ATM: variants seen among roughly 807,000 people sequenced by gnomAD.
The protein encoded by ATM is ATM serine/threonine kinase.
A neutral mutation model predicts 387.0 loss-of-function variants in ATM; 308 were observed. The observed-to-expected ratio is 0.80, with a 90% CI of 0.73 to 0.87. The LOEUF (loss-of-function observed/expected upper bound fraction) is 0.87, where lower values mean the gene tolerates loss of function less well. Among genes scored for constraint, ATM ranks in the 40% least tolerant of loss-of-function variants. The pLI, the probability that ATM is intolerant of heterozygous loss-of-function variation, is 0.00. For missense variants in ATM, 3,312 were observed against 3,560.9 expected, an observed-to-expected ratio of 0.93 and a Z score of 1.78; for synonymous variants, 1,156 against 1,187.3, an observed-to-expected ratio of 0.97 and a Z score of 0.54.
At chr11:108,357,302 G>A (rs563283386) in intron 61 of ATM, among the ~76,000 whole-genome samples, 68 of 152,302 alleles carry the variant, frequency 4.5e-4, no homozygotes, top group African/African-American at 1.5e-3. Flanking sequence ...CTACGCCCAC[G>A]GAGTCTCGCT....
Position 108,248,994 on chromosome 11 carries a change from A to C in ATM, c.1127A>C (p.Glu376Ala), listed in dbSNP as rs767564470. The C allele has an allele frequency of 1.9e-6, 3 of 1,613,144 alleles. No homozygotes were observed. Among genetic ancestry groups the C allele is most frequent in the Non-Finnish European group, 2.5e-6 (3 of 1,179,236 alleles). Residue 376 changes from glutamate (E) to alanine (A), a missense_variant, in exon 9 of 63, where the codon GAA becomes GCA. Transcript: ENST00000675843. ...ISQSYTTTQR[E>A]SSDYSVPCKR... Reference sequence around the variant, plus strand: ...CAATCTTACACTACTACACAAAGAGAATCTAGTGATTACAGTGTCCCTTGC... The same window carrying C: ...CAATCTTACACTACTACACAAAGAGCATCTAGTGATTACAGTGTCCCTTGC...
intron 38 of ATM, 88 bp downstream of exon 38, chr11:108,308,072 T>C (rs2083833314): frequency 8.2e-7 from 1 of 1,222,138 alleles, no homozygotes; most frequent in South Asian, 1.3e-5. Context: ...TTATTTTAGG[T>C]GAAGGTGTTG....
intron 36 of ATM, among the ~76,000 whole-genome samples, chr11:108,303,475 A>G (rs2083529985): frequency 1.3e-5 from 2 of 152,266 alleles, no homozygotes; most frequent in South Asian, 4.1e-4. Flanking sequence ...CAAATGAAAC[A>G]AAGTTTGTAC....
chr11:108,270,798 C>T (rs1212363313), intron 18 of ATM, among the ~76,000 whole-genome samples: 2 of 152,036 alleles, frequency 1.3e-5, no homozygotes, highest in African/African-American at 2.4e-5. Flanking sequence ...CAGGTTCAAG[C>T]GATTCTCCTG....
intron 60 of ATM, 109 bp downstream of exon 60, chr11:108,353,989 G>C: frequency 8.8e-7 from 1 of 1,132,002 alleles, no homozygotes; most frequent in Non-Finnish European, 1.3e-6. Context: ...GCTGAAGTGG[G>C]AGGATTGTTT....
rs886039623 is a variant in ATM, at chr11:108,343,274, TC to T, written c.8325del (p.Ile2776LeufsTer30). The T allele has an allele frequency of 6.2e-7, 1 of 1,614,022 alleles. No individual in the cohort carries two copies. The highest frequency in any genetic ancestry group is 8.5e-7 in the Non-Finnish European group (1 of 1,179,930). On this transcript the variant is annotated frameshift_variant, in exon 57 of 63. Transcript: ENST00000675843. LOFTEE classifies it high-confidence loss of function. ...GTTCTTGAATGGTGCACAGGAACTG[TC>T]CCCATTGGTGAATTTCTTGTTAACA... ...SGVLEWCTGT[V>X]PIGEFLVNNE...
intron 56 of ATM, among the ~76,000 whole-genome samples, chr11:108,341,538 TTAA>T (rs1276297306): frequency 6.6e-6 from 1 of 152,144 alleles, no homozygotes; most frequent in Admixed American, 6.6e-5. Flanking sequence ...CAAATAAATG[TTAA>T]TAAATTAATC....
chr11:108,338,153 A>C (rs1447866163), intron 56 of ATM, among the ~76,000 whole-genome samples: 1 of 152,214 alleles, frequency 6.6e-6, no homozygotes, highest in Non-Finnish European at 1.5e-5. Flanking sequence ...GTTTGAGACC[A>C]GCCTGGCCAA....
chr11:108,315,160 G>T (rs180987555), intron 40 of ATM, among the ~76,000 whole-genome samples: 32 of 152,318 alleles, frequency 2.1e-4, no homozygotes, highest in African/African-American at 7.5e-4. Flanking sequence ...AACTGCTCAT[G>T]TGGAAATTAT....
chr11:108,274,894 C>A (rs958835924), intron 22 of ATM, among the ~76,000 whole-genome samples: 8 of 152,096 alleles, frequency 5.3e-5, no homozygotes, highest in African/African-American at 1.7e-4. Context: ...CTGCTTGGTC[C>A]AGAGTTCGGT....
intron 46 of ATM, 136 bp downstream of exon 46, chr11:108,325,680 T>A (rs1444806638): frequency 1.2e-5 from 10 of 827,732 alleles, no homozygotes; most frequent in Non-Finnish European, 1.8e-5. Context: ...AATAATTGTT[T>A]AAGAGTTCCC....
At chr11:108,360,173 C>T (rs11518308) in intron 61 of ATM, among the ~76,000 whole-genome samples, 194 of 149,928 alleles carry the variant, frequency 1.3e-3, no homozygotes, top group Non-Finnish European at 2.0e-3. Context: ...AACACCTCTA[C>T]GCAAATAAAC....
intron 47 of ATM, among the ~76,000 whole-genome samples, chr11:108,327,151 G>A (rs1353013682): frequency 9.5e-4 from 145 of 152,054 alleles, no homozygotes; most frequent in Non-Finnish European, 5.9e-5. Context: ...TTGATGTTGG[G>A]CACTCATTGT....
At chr11:108,258,839 A>C in intron 15 of ATM, 147 bp from the exon 16 acceptor site, 1 of 666,568 alleles carries the variant, frequency 1.5e-6, no homozygotes, top group Non-Finnish European at 2.7e-6. Context: ...AACTCTAAGA[A>C]AAGATGTGTT....
chr11:108,260,870 A>AGGG (rs1351418165), intron 16 of ATM, among the ~76,000 whole-genome samples: 1 of 152,190 alleles, frequency 6.6e-6, no homozygotes, highest in South Asian at 2.1e-4. Flanking sequence ...AGTCAAAGAA[A>AGGG]GGGGGGACGG....
Position 108,332,949 on chromosome 11 carries a change from C to G in ATM, c.7927+49C>G, listed in dbSNP as rs2136578858. 3 of 1,581,246 alleles carry G rather than the reference C, an allele frequency of 1.9e-6. No homozygotes were observed. In the East Asian group the frequency reaches 6.7e-5, roughly 35 times the overall value. On this transcript the variant is annotated intron_variant, in intron 53 of 62. Transcript: ENST00000675843. Reference sequence around the variant, plus strand: ...CGTTACTTTCTTGCTGTGTTACTCTCTGTAGAGATATATTAGTTATAGAGC... The same window carrying G: ...CGTTACTTTCTTGCTGTGTTACTCTGTGTAGAGATATATTAGTTATAGAGC...
chr11:108,268,703 G>A lies in ATM; in HGVS notation c.2838+94G>A. 4 of 1,362,942 alleles carry A rather than the reference G, an allele frequency of 2.9e-6. No homozygotes were observed. The South Asian group carries it at 4.7e-5, about 16-fold the overall frequency. 84.4% of individuals were successfully genotyped at this position (1,362,942 alleles called of 1,614,324 possible). ...CATGTAAGAATCACATGGTGTCTTTGAAGAATTGAAATTGCTTTCTTGAGA... is the reference window on the plus strand; with the variant it reads ...CATGTAAGAATCACATGGTGTCTTTAAAGAATTGAAATTGCTTTCTTGAGA... On this transcript the variant is annotated intron_variant, in intron 18 of 62. Transcript: ENST00000675843.
At chr11:108,240,592 G>GTAT (rs1565364407) in intron 5 of ATM, among the ~76,000 whole-genome samples, 1 of 152,178 alleles carries the variant, frequency 6.6e-6, no homozygotes, top group Non-Finnish European at 1.5e-5. Flanking sequence ...ACTGTAGGCA[G>GTAT]CTGTAACACA....
intron 4 of ATM, chr11:108,230,754 T>A (rs2078970624): frequency 6.6e-6 from 1 of 152,228 alleles, no homozygotes; most frequent in Admixed American, 6.5e-5. Flanking sequence ...CTGGAGTGCA[T>A]GCAGTGGTGC....
Sources: gnomAD v4.1 joint callset for allele counts (sites outside exome capture counted in the v4.1 genomes callset) on GRCh38, gnomAD v4.1.1 for gene constraint, MANE v1.5 for transcripts, NCBI Gene and HGNC (gene_info 2026-07-23, HGNC 2026-07-21) for gene names.